The following IL1R1 variants were observed in gnomAD, a reference collection of about 807,000 sequenced individuals.
The protein encoded by IL1R1 is interleukin 1 receptor type 1, also known as interleukin-1 receptor type 1.
A neutral mutation model predicts 50.2 loss-of-function variants in IL1R1; 22 were observed. The ratio of observed to expected loss-of-function variants is 0.44; its 90% CI spans 0.31 to 0.63. The LOEUF is 0.63. Ranked by LOEUF, IL1R1 falls within the 20% of genes least tolerant of loss-of-function variation. The pLI, the probability that IL1R1 is intolerant of heterozygous loss-of-function variation, is 0.07. For synonymous variants in IL1R1, 251 were observed against 236.7 expected (o/e 1.06, Z -0.55); for missense variants, 509 against 676.2 (o/e 0.75, Z 2.74).
exon 1 of IL1R1, chr2:102,104,647 A>G (rs2104345506): frequency 6.6e-6 from 1 of 152,410 alleles, no homozygotes; most frequent in Admixed American, 6.5e-5. Flanking sequence ...CCTCCGTACC[A>G]GCTGGGGCGT....
chr2:102,094,698 T>C (rs1187882673), intron 1 of IL1R1, among the ~76,000 whole-genome samples: 1 of 152,206 alleles, frequency 6.6e-6, no homozygotes, highest in East Asian at 1.9e-4. Flanking sequence ...TATTCACTGA[T>C]TTAGATAATT....
At chr2:102,151,393 G>A (rs574523655) in intron 1 of IL1R1, among the ~76,000 whole-genome samples, 14 of 152,204 alleles carry the variant, frequency 9.2e-5, no homozygotes, top group Admixed American at 4.6e-4. Flanking sequence ...TTTCATCCCC[G>A]TGTGTCTCAT....
intron 1 of IL1R1, among the ~76,000 whole-genome samples, chr2:102,074,930 A>G (rs749934556): frequency 2.0e-5 from 3 of 152,106 alleles, no homozygotes; most frequent in Admixed American, 6.5e-5. Flanking sequence ...TATTAAATAT[A>G]TATATATTTA....
upstream of IL1R1, among the ~76,000 whole-genome samples, chr2:102,100,389 T>G (rs1306571984): frequency 6.6e-6 from 1 of 152,228 alleles, no homozygotes; most frequent in Non-Finnish European, 1.5e-5. Flanking sequence ...TACCTGGAAC[T>G]GAGCCTGAGG....
Position 102,108,228 on chromosome 2 carries a change from ATGTG to A in IL1R1, c.-84+3367_-84+3370del, listed in dbSNP as rs199675729. Among the ~76,000 whole-genome samples the A allele has an allele frequency of 1.2e-4, 12 of 101,818 alleles. No homozygotes were observed. In the East Asian group the frequency reaches 2.1e-3, roughly 18 times the overall value. The allele number at this position is 101,818 out of a possible 152,430, so 66.8% of individuals were successfully genotyped here. On this transcript the variant is annotated intron_variant, in intron 1 of 10. Coordinates refer to the IL1R1 transcript ENST00000409329. ...GGGAAGTGTGTGTGTGTGTGTATGTATGTGTGTGTGTGTGGGGGGGGGTGTGTAT... is the reference window on the plus strand; with the variant it reads ...GGGAAGTGTGTGTGTGTGTGTATGTATGTGTGTGTGGGGGGGGGTGTGTAT...
At chr2:102,098,845 T>A (rs760036532) in intron 1 of IL1R1, among the ~76,000 whole-genome samples, 1 of 152,212 alleles carries the variant, frequency 6.6e-6, no homozygotes, top group Non-Finnish European at 1.5e-5. Flanking sequence ...TTTGTACTAA[T>A]GAGAACCTTT....
intron 1 of IL1R1, among the ~76,000 whole-genome samples, chr2:102,079,521 A>T (rs1679117089): frequency 6.6e-6 from 1 of 152,178 alleles, no homozygotes; most frequent in Non-Finnish European, 1.5e-5. Flanking sequence ...AGAATAAAAT[A>T]GCATAAACTT....
intron 1 of IL1R1, among the ~76,000 whole-genome samples, chr2:102,088,750 G>A (rs1679536815): frequency 6.6e-6 from 1 of 152,168 alleles, no homozygotes; most frequent in Non-Finnish European, 1.5e-5. Flanking sequence ...GTTGTTTAGT[G>A]TAGCCACCTT....
intron 1 of IL1R1, among the ~76,000 whole-genome samples, chr2:102,131,264 T>C (rs1363637912): frequency 6.6e-6 from 1 of 152,164 alleles, no homozygotes; most frequent in African/African-American, 2.4e-5. Context: ...CAAACTATTC[T>C]CAATAACTCA....
intron 1 of IL1R1, among the ~76,000 whole-genome samples, chr2:102,114,624 C>T (rs911182588): frequency 1.3e-5 from 2 of 152,200 alleles, no homozygotes; most frequent in African/African-American, 2.4e-5. Flanking sequence ...TGGGAAATTA[C>T]ACTCGGTATC....
At chr2:102,116,306 G>T (rs1295580524) in intron 1 of IL1R1, among the ~76,000 whole-genome samples, 2 of 152,208 alleles carry the variant, frequency 1.3e-5, no homozygotes, top group Non-Finnish European at 2.9e-5. Context: ...GTGAACCCTG[G>T]AGATGGAAAG....
chr2:102,090,176 C>G (rs1245417687), intron 1 of IL1R1, among the ~76,000 whole-genome samples: 1 of 145,048 alleles, frequency 6.9e-6, no homozygotes, highest in Non-Finnish European at 1.5e-5. Flanking sequence ...TGTAATTTGG[C>G]CTTCTAGTCC....
chr2:102,150,986 A>G (rs1343045060), intron 1 of IL1R1, among the ~76,000 whole-genome samples: 1 of 152,248 alleles, frequency 6.6e-6, no homozygotes, highest in Non-Finnish European at 1.5e-5. Flanking sequence ...TAACAGTGGC[A>G]TACACACATC....
At chr2:102,168,238 G>A (rs545903602) in intron 6 of IL1R1, among the ~76,000 whole-genome samples, 51 of 152,126 alleles carry the variant, frequency 3.4e-4, no homozygotes, top group Non-Finnish European at 6.9e-4. Flanking sequence ...AGCCCTTCTG[G>A]CCAATAACAC....
chr2:102,123,195 A>C (rs1681493887), intron 1 of IL1R1, among the ~76,000 whole-genome samples: 1 of 152,374 alleles, frequency 6.6e-6, no homozygotes, highest in Admixed American at 6.5e-5. Flanking sequence ...AAAATGCCAA[A>C]GTTTTATCAA....
chr2:102,139,533 A>T (rs1022550895), upstream of IL1R1, among the ~76,000 whole-genome samples: 2 of 152,186 alleles, frequency 1.3e-5, no homozygotes, highest in Admixed American at 1.3e-4. Context: ...CCCAAATCTC[A>T]TGTTAAAATG....
Position 102,175,474 on chromosome 2 carries a change from T to G in IL1R1, c.1136-4T>G. 1 of 1,611,978 alleles carries G rather than the reference T, an allele frequency of 6.2e-7. No homozygotes were observed. Among genetic ancestry groups the G allele is most frequent in the East Asian group, 2.2e-5 (1 of 44,856 alleles). ...GTTCTAAATACATTATGTTTTTCCT[T>G]TAGCTTCAGATGGAAAGACCTATGA... On this transcript the variant is annotated splice_region_variant and splice_polypyrimidine_tract_variant and intron_variant, in intron 10 of 11. Coordinates refer to ENST00000410023, the MANE Select transcript of IL1R1 (RefSeq NM_000877.4).
At chr2:102,071,264 A>G (rs1284079818) in intron 1 of IL1R1, among the ~76,000 whole-genome samples, 1 of 152,216 alleles carries the variant, frequency 6.6e-6, no homozygotes, top group East Asian at 1.9e-4. Flanking sequence ...TCTAATTTAT[A>G]TCAAATTTAT....
rs563751212 is a variant in IL1R1, at chr2:102,172,992, C to T, written c.991+154C>T. 8.5e-5 allele frequency among the ~76,000 whole-genome samples: 13 copies of T among 152,288 alleles called. No homozygotes were observed. The East Asian group carries it at 1.7e-3, about 20-fold the overall frequency. ...TTCTCTTTTACTCTTCTGCTGAACT[C>T]TCTCTTCTTGGAAGCTTTTCTGTCC... On this transcript the variant is annotated intron_variant, in intron 9 of 11. Transcript: ENST00000410023.
Sources: gnomAD v4.1 joint callset for allele counts (sites outside exome capture counted in the v4.1 genomes callset) on GRCh38, gnomAD v4.1.1 for gene constraint, MANE v1.5 for transcripts, NCBI Gene and HGNC (gene_info 2026-07-23, HGNC 2026-07-21) for gene names.